PIEZO2: variants seen among roughly 807,000 people sequenced by gnomAD.
PIEZO2 encodes piezo-type mechanosensitive ion channel component 2.
In PIEZO2, 172 loss-of-function variants were observed where a neutral mutation model predicts 337.3. The ratio of observed to expected loss-of-function variants is 0.51; its 90% CI spans 0.45 to 0.58. The LOEUF is 0.58. Ranked by LOEUF, PIEZO2 falls within the 20% of genes least tolerant of loss-of-function variation. The pLI is 0.00. For missense variants in PIEZO2, 3,028 were observed against 3,391.3 expected, an observed-to-expected ratio of 0.89 and a Z score of 2.66; for synonymous variants, 1,251 against 1,228.5, an observed-to-expected ratio of 1.02 and a Z score of -0.38.
intron 2 of PIEZO2, among the ~76,000 whole-genome samples, chr18:11,045,536 T>G (rs980913764): frequency 1.3e-5 from 2 of 152,102 alleles, no homozygotes; most frequent in Non-Finnish European, 2.9e-5. Context: ...ATATAAAAAA[T>G]GTGGCATCAA....
chr18:10,971,551 C>T (rs986338039), intron 3 of PIEZO2, among the ~76,000 whole-genome samples: 1 of 152,038 alleles, frequency 6.6e-6, no homozygotes, highest in African/African-American at 2.4e-5. Flanking sequence ...GAATGCACAC[C>T]CAGCTCCTCA....
intron 5 of PIEZO2, among the ~76,000 whole-genome samples, chr18:10,860,653 A>C (rs896746147): frequency 5.3e-5 from 8 of 152,250 alleles, no homozygotes; most frequent in Non-Finnish European, 1.2e-4. Flanking sequence ...TAGTCATTGC[A>C]CTTGAAAAAG....
intron 9 of PIEZO2, among the ~76,000 whole-genome samples, chr18:10,803,412 C>T (rs1016799004): frequency 6.6e-6 from 1 of 152,144 alleles, no homozygotes; most frequent in Non-Finnish European, 1.5e-5. Flanking sequence ...TCACTGGTAA[C>T]AATTATTGTC....
chr18:10,903,512 T>TA lies in PIEZO2; in HGVS notation c.329+7673dup, dbSNP rs1397494366. 6.6e-5 allele frequency among the ~76,000 whole-genome samples: 10 copies of TA among 151,400 alleles called. 1 individual carries two copies. Among genetic ancestry groups the TA allele is most frequent in the African/African-American group, 1.5e-4 (6 of 41,186 alleles). ...GGTGAAACCCCGTCTCTACCAAAAATAAAAAAAATTAGCTGGGCATAGTGG... is the reference window on the plus strand; with the variant it reads ...GGTGAAACCCCGTCTCTACCAAAAATAAAAAAAAATTAGCTGGGCATAGTGG... On this transcript the variant is annotated intron_variant, in intron 4 of 55. Coordinates refer to ENST00000674853, the MANE Select transcript of PIEZO2 (RefSeq NM_001378183.1). The surrounding 1 kb of genome is among the most constrained non-coding windows in gnomAD (Gnocchi z 4.1).
chr18:10,813,971 ATTTT>A lies in PIEZO2; in HGVS notation c.918-6701_918-6698del, dbSNP rs762220299. Among the ~76,000 whole-genome samples the A allele has an allele frequency of 7.0e-6, 1 of 142,754 alleles. No homozygotes were observed. The allele number at this position is 142,754 out of a possible 152,430, so 93.7% of individuals were successfully genotyped here. On this transcript the variant is annotated intron_variant, in intron 7 of 55. Coordinates refer to ENST00000674853, the MANE Select transcript of PIEZO2 (RefSeq NM_001378183.1). This position sits in a 1 kb window ranked among gnomAD's most constrained non-coding sequence, Gnocchi z 4.2. ...ATAGGTGTGAGATGGGACACCATAT[ATTTT>A]TTTTTTTTTTGAGATGGAGTTTTGC...
At chr18:11,130,884 G>A (rs1047005098) in intron 1 of PIEZO2, among the ~76,000 whole-genome samples, 2 of 152,212 alleles carry the variant, frequency 1.3e-5, no homozygotes, top group Non-Finnish European at 2.9e-5. Flanking sequence ...GTGGGGTACA[G>A]AACAGGGGAA....
chr18:11,118,955 A>C (rs1369152963), intron 1 of PIEZO2, among the ~76,000 whole-genome samples: 1 of 152,166 alleles, frequency 6.6e-6, no homozygotes, highest in Non-Finnish European at 1.5e-5. Context: ...CTTTAGGGAC[A>C]CTTATATCCT....
intron 5 of PIEZO2, among the ~76,000 whole-genome samples, chr18:10,867,913 T>C (rs1309365383): frequency 2.0e-5 from 3 of 152,196 alleles, no homozygotes; most frequent in African/African-American, 4.8e-5. Context: ...GATGTGTCAG[T>C]TGAGAAAGAA....
rs1053556896 is a variant in PIEZO2 at position 11,041,304 on chromosome 18, C to T, written c.160+24823G>A. ...GCTAAGTAGATGGGACTACATAATT[C>T]ACAAGTTCCCAAATTTAATCAAGAG... On this transcript the variant is annotated intron_variant, in intron 2 of 55. Transcript: ENST00000674853. Among the ~76,000 whole-genome samples, 18 of 152,286 alleles carry T rather than the reference C, an allele frequency of 1.2e-4. No individual in the cohort carries two copies. In the Middle Eastern group the frequency reaches 0.014, roughly 115 times the overall value.
chr18:11,042,693 C>T (rs1872027), intron 2 of PIEZO2, among the ~76,000 whole-genome samples: 30,594 of 152,100 alleles, frequency 0.2, 3,198 homozygotes, highest in East Asian at 0.37. Context: ...GAAAGGCAAT[C>T]GTCATTGTCA....
chr18:10,758,822 C>T (rs543779404), intron 26 of PIEZO2, among the ~76,000 whole-genome samples: 14 of 152,188 alleles, frequency 9.2e-5, no homozygotes, highest in Non-Finnish European at 2.1e-4. Context: ...GACAGCACAG[C>T]GCAGCCTGAG....
At chr18:10,974,414 C>T (rs1214329753) in intron 3 of PIEZO2, among the ~76,000 whole-genome samples, 1 of 152,132 alleles carries the variant, frequency 6.6e-6, no homozygotes, top group African/African-American at 2.4e-5. Flanking sequence ...CTGAATCCAA[C>T]CAGGAATGCT....
intron 37 of PIEZO2, among the ~76,000 whole-genome samples, chr18:10,717,583 T>G (rs1231571910): frequency 6.8e-6 from 1 of 147,908 alleles, no homozygotes; most frequent in Non-Finnish European, 1.5e-5. Flanking sequence ...ATTTGGAGGC[T>G]TTGGCCTTTT....
intron 1 of PIEZO2, among the ~76,000 whole-genome samples, chr18:11,135,471 T>G (rs1349820518): frequency 6.6e-6 from 1 of 152,196 alleles, no homozygotes; most frequent in Non-Finnish European, 1.5e-5. Context: ...ACTTCAAATA[T>G]GCTCTTTTAA....
intron 7 of PIEZO2, among the ~76,000 whole-genome samples, chr18:10,839,753 G>C (rs538897374): frequency 6.7e-6 from 1 of 150,024 alleles, no homozygotes; most frequent in African/African-American, 2.4e-5. Flanking sequence ...AGATAAGCCT[G>C]TGAATTATTG....
rs112319655 is a variant in PIEZO2, at chr18:11,006,012, C to T, written c.161-26352G>A. Among the ~76,000 whole-genome samples, 343 of 152,298 alleles carry T rather than the reference C, an allele frequency of 2.3e-3. 3 individuals carry two copies. The highest frequency in any genetic ancestry group is 7.8e-3 in the African/African-American group (324 of 41,562). ...TGATATTTTTTCATTTATCTATAAA[C>T]TGGCAAGAAGACAATTCCATTTCTC... is the stretch of plus-strand genomic sequence containing the variant. On this transcript the variant is annotated intron_variant, in intron 2 of 55. Transcript: ENST00000674853.
chr18:10,981,697 T>C (rs2034672302), intron 2 of PIEZO2, among the ~76,000 whole-genome samples: 1 of 152,218 alleles, frequency 6.6e-6, no homozygotes, highest in South Asian at 2.1e-4. Flanking sequence ...AGTCAGTGAC[T>C]GGGAGAGGCA....
intron 2 of PIEZO2, among the ~76,000 whole-genome samples, chr18:10,994,001 G>GC (rs111444839): frequency 0.055 from 8,394 of 152,022 alleles, 508 homozygotes; most frequent in African/African-American, 0.15. Context: ...TTTATCCCTC[G>GC]CCCCTTCCCA....
intron 36 of PIEZO2, among the ~76,000 whole-genome samples, chr18:10,721,674 G>T (rs181185637): frequency 3.3e-5 from 5 of 152,102 alleles, no homozygotes; most frequent in African/African-American, 1.2e-4. Context: ...GACTCAAAGC[G>T]AGACAATACA....
Sources: allele counts gnomAD v4.1 joint callset (sites outside exome capture counted in the v4.1 genomes callset), GRCh38; gene constraint gnomAD v4.1.1; non-coding constraint Gnocchi (gnomAD v3.1); transcripts MANE v1.5; gene names NCBI Gene and HGNC (gene_info 2026-07-23, HGNC 2026-07-21).